SHISA9: variants seen among roughly 807,000 people sequenced by gnomAD.
The protein encoded by SHISA9 is protein shisa-9.
Under a neutral mutation model 38.0 loss-of-function variants are expected in SHISA9, and 13 were observed. That is an observed-to-expected ratio of 0.34 (90% confidence interval 0.22 to 0.54). The LOEUF is 0.54. Ranked by LOEUF, SHISA9 falls within the 20% of genes least tolerant of loss-of-function variation. The probability of loss-of-function intolerance (pLI) is 0.91; values close to 1 mark genes in which losing one functional copy is unlikely to be tolerated. For missense variants in SHISA9, 538 were observed against 575.8 expected (o/e 0.93, Z 0.67); for synonymous variants, 275 against 242.0 (o/e 1.14, Z -1.27).
chr16:13,556,618 G>A, the SHISA9 span, among the ~76,000 whole-genome samples: 14 of 151,872 alleles, frequency 9.2e-5, no homozygotes, highest in Admixed American at 5.9e-4. Flanking sequence ...AGCCTAGATC[G>A]CGCCATTGCA....
chr16:13,253,054 G>A, the SHISA9 span, among the ~76,000 whole-genome samples: 38 of 151,946 alleles, frequency 2.5e-4, no homozygotes, highest in Non-Finnish European at 5.0e-4. Flanking sequence ...TAATAAATAG[G>A]AAATATATTT....
At chr16:12,970,495 ATATTTTTTTTTTTTTT>A (rs2072065269) in intron 2 of SHISA9, among the ~76,000 whole-genome samples, 2 of 24,642 alleles carry the variant, frequency 8.1e-5, no homozygotes, top group African/African-American at 1.5e-4. Flanking sequence ...ATATATATAT[ATATTTTTTTTTTTTTT>A]TTTTTTTTTT....
the SHISA9 span, among the ~76,000 whole-genome samples, chr16:13,469,302 C>CAGAGAGAG: frequency 1.7e-4 from 8 of 46,674 alleles, no homozygotes; most frequent in African/African-American, 7.7e-4. Flanking sequence ...GAAAGAAAGA[C>CAGAGAGAG]AGAGAGAGAG....
the SHISA9 span, among the ~76,000 whole-genome samples, chr16:13,459,343 G>A: frequency 3.3e-5 from 5 of 151,974 alleles, no homozygotes; most frequent in African/African-American, 1.2e-4. Flanking sequence ...GGGGGGAGGA[G>A]GGTGGTATAG....
At chr16:13,292,223 C>T in the SHISA9 span, among the ~76,000 whole-genome samples, 10 of 151,898 alleles carry the variant, frequency 6.6e-5, no homozygotes, top group Non-Finnish European at 1.5e-4. Flanking sequence ...TGACAAGAGT[C>T]GATTACAATT....
At chr16:12,938,039 G>A (rs548832031) in intron 2 of SHISA9, among the ~76,000 whole-genome samples, 2 of 152,316 alleles carry the variant, frequency 1.3e-5, no homozygotes, top group African/African-American at 4.8e-5. Context: ...ATCTTGGCCA[G>A]TGGCCACCAG....
At chr16:13,341,477 A>ATGAT in the SHISA9 span, among the ~76,000 whole-genome samples, 2 of 152,164 alleles carry the variant, frequency 1.3e-5, no homozygotes, top group Non-Finnish European at 2.9e-5. Context: ...TTCCCCCAAG[A>ATGAT]TGATTCAAAA....
the SHISA9 span, among the ~76,000 whole-genome samples, chr16:13,339,223 G>A: frequency 7.0e-6 from 1 of 142,546 alleles, no homozygotes; most frequent in Non-Finnish European, 1.5e-5. Context: ...GTGTCACCAA[G>A]TTAGAGCTGT....
At chr16:12,938,300 A>G (rs1237304890) in intron 2 of SHISA9, among the ~76,000 whole-genome samples, 2 of 151,942 alleles carry the variant, frequency 1.3e-5, no homozygotes, top group East Asian at 1.9e-4. Flanking sequence ...ACTTACTGCA[A>G]CTCTCCCTGG....
intron 2 of SHISA9, among the ~76,000 whole-genome samples, chr16:12,936,690 A>G (rs1197833679): frequency 1.3e-5 from 2 of 152,170 alleles, no homozygotes; most frequent in Non-Finnish European, 2.9e-5. Context: ...CAGTTACTTC[A>G]TCTGGTGCTG....
At chr16:13,151,366 CAA>C (rs2050497920) in intron 2 of SHISA9, among the ~76,000 whole-genome samples, 1 of 152,156 alleles carries the variant, frequency 6.6e-6, no homozygotes, top group South Asian at 2.1e-4. Context: ...CTCAGCCTCC[CAA>C]AGTGCTGGGA....
At chr16:13,026,629 T>A (rs1291766806) in intron 2 of SHISA9, among the ~76,000 whole-genome samples, 1 of 152,190 alleles carries the variant, frequency 6.6e-6, no homozygotes, top group East Asian at 1.9e-4. Flanking sequence ...CTATGTTTAA[T>A]CTTTTGAGAA....
chr16:12,906,232 A>C (rs1008206110), intron 1 of SHISA9, among the ~76,000 whole-genome samples: 1 of 152,236 alleles, frequency 6.6e-6, no homozygotes, highest in African/African-American at 2.4e-5. Context: ...GGGACCCTGA[A>C]TGGGGGTTTG....
At chr16:13,284,974 C>G in the SHISA9 span, among the ~76,000 whole-genome samples, 1 of 152,232 alleles carries the variant, frequency 6.6e-6, no homozygotes, top group Admixed American at 6.5e-5. Flanking sequence ...TTAACTTTCC[C>G]CTCACCCCAT....
At chr16:13,123,501 G>T (rs2050231752) in intron 2 of SHISA9, among the ~76,000 whole-genome samples, 1 of 152,234 alleles carries the variant, frequency 6.6e-6, no homozygotes, top group South Asian at 2.1e-4. Context: ...ATGAAGAAGA[G>T]AAGTGGCTGT....
intron 2 of SHISA9, among the ~76,000 whole-genome samples, chr16:12,980,366 A>G (rs1030601963): frequency 6.6e-6 from 1 of 152,178 alleles, no homozygotes; most frequent in Non-Finnish European, 1.5e-5. Context: ...AATTGGATAT[A>G]ATATGTTAAG....
At chr16:13,015,206 G>T (rs1282226558) in intron 2 of SHISA9, among the ~76,000 whole-genome samples, 3 of 152,208 alleles carry the variant, frequency 2.0e-5, no homozygotes. Flanking sequence ...TTTATGTATT[G>T]TCTGTGGCAC....
chr16:13,357,748 G>T, the SHISA9 span, among the ~76,000 whole-genome samples: 1,817 of 151,800 alleles, frequency 0.012, 44 homozygotes, highest in African/African-American at 0.041. Flanking sequence ...GTCAAAGGGG[G>T]TTTGTTCTCT....
chr16:13,181,426 G>C (rs1596708297), intron 2 of SHISA9, among the ~76,000 whole-genome samples: 1 of 151,322 alleles, frequency 6.6e-6, no homozygotes, highest in African/African-American at 2.4e-5. Context: ...AGGCTGTGAG[G>C]GGGGAAATCA....
Sources: allele counts gnomAD v4.1 joint callset (sites outside exome capture counted in the v4.1 genomes callset), GRCh38; gene constraint gnomAD v4.1.1; transcripts MANE v1.5; gene names NCBI Gene and HGNC (gene_info 2026-07-23, HGNC 2026-07-21).